The following C12orf54 variants were observed in gnomAD, a reference collection of about 807,000 sequenced individuals.
The protein encoded by C12orf54 is chromosome 12 open reading frame 54, also known as uncharacterized protein C12orf54.
A neutral mutation model predicts 26.4 loss-of-function variants in C12orf54; 24 were observed. The ratio of observed to expected loss-of-function variants is 0.91; its 90% CI spans 0.66 to 1.28. C12orf54 has a LOEUF of 1.28. C12orf54 is among the 50% of genes most tolerant of loss of function. C12orf54 has a pLI of 0.00. For missense variants in C12orf54, 154 were observed against 150.9 expected, an observed-to-expected ratio of 1.02 and a Z score of -0.11; for synonymous variants, 54 against 47.0, an observed-to-expected ratio of 1.15 and a Z score of -0.61.
At chr12:48,477,746 CAATA>C (rs1954158553), upstream of C12orf54, among the ~76,000 whole-genome samples, 1 of 152,046 alleles carries the variant, frequency 6.6e-6, no homozygotes, top group Non-Finnish European at 1.5e-5. Flanking sequence ...GAAATTGAGG[CAATA>C]ATCAATAGCT....
At chr12:48,422,318 G>C in the C12orf54 span, among the ~76,000 whole-genome samples, 8 of 152,194 alleles carry the variant, frequency 5.3e-5, no homozygotes, top group African/African-American at 1.9e-4. Context: ...CTGCTGGATG[G>C]AGATGCCAAA....
the C12orf54 span, among the ~76,000 whole-genome samples, chr12:48,436,097 A>G: frequency 2.1e-3 from 316 of 152,224 alleles, 1 homozygote; most frequent in Non-Finnish European, 3.6e-3. Flanking sequence ...AAAAAAGGCA[A>G]GGGTTGCAAT....
chr12:48,453,881 A>G, the C12orf54 span, among the ~76,000 whole-genome samples: 1 of 151,842 alleles, frequency 6.6e-6, no homozygotes. Context: ...CCTTGAGAAA[A>G]CAAAGAAGGT....
At chr12:48,486,481 G>C in intron 3 of C12orf54, 1 of 635,696 alleles carries the variant, frequency 1.6e-6, no homozygotes. Context: ...TCATGCACCA[G>C]CTAGATCCAG....
the C12orf54 span, among the ~76,000 whole-genome samples, chr12:48,448,556 G>A: frequency 6.6e-6 from 1 of 152,136 alleles, no homozygotes; most frequent in African/African-American, 2.4e-5. Context: ...TGGTTTATCT[G>A]CATATTTTAT....
Position 48,494,992 on chromosome 12 carries a change from A to G in C12orf54, c.*40+13A>G. On this transcript the variant is annotated intron_variant, in intron 8 of 8. Transcript: ENST00000548364. ...CTGCTTCCGCCAGGTGCTTTACCCA[A>G]GCAGCCTTTCCCCTGAGCTCCACCC... 1 of 1,578,710 alleles carries G rather than the reference A, an allele frequency of 6.3e-7. No homozygotes were observed. The highest frequency in any genetic ancestry group is 8.7e-7 in the Non-Finnish European group (1 of 1,152,322).
At chr12:48,468,773 G>A in the C12orf54 span, among the ~76,000 whole-genome samples, 1 of 152,058 alleles carries the variant, frequency 6.6e-6, no homozygotes, top group Non-Finnish European at 1.5e-5. Context: ...TGTCTTATAG[G>A]GGGAACCAGC....
At chr12:48,425,848 T>C in the C12orf54 span, among the ~76,000 whole-genome samples, 2 of 152,226 alleles carry the variant, frequency 1.3e-5, no homozygotes, top group South Asian at 4.1e-4. Flanking sequence ...AGCTTTTTTA[T>C]ATATACTTGC....
the C12orf54 span, among the ~76,000 whole-genome samples, chr12:48,449,799 G>A: frequency 1.3e-5 from 2 of 152,008 alleles, no homozygotes; most frequent in Non-Finnish European, 2.9e-5. Context: ...TGATTTGGCT[G>A]TGTCCCCACC....
At chr12:48,468,461 G>A in the C12orf54 span, among the ~76,000 whole-genome samples, 1 of 152,164 alleles carries the variant, frequency 6.6e-6, no homozygotes, top group African/African-American at 2.4e-5. Context: ...GAGGAAGGCT[G>A]TGATGTGATC....
Position 48,486,261 on chromosome 12 carries a change from G to A in C12orf54, c.96+53G>A, listed in dbSNP as rs571431402. On this transcript the variant is annotated intron_variant, in intron 3 of 8. Coordinates refer to ENST00000548364, the MANE Select transcript of C12orf54 (RefSeq NM_152319.4). ...TCCTCTGGGGCTTCTAATTCCTAGGGAGAGGGGAGGAGAAGAGGTTGTAGA... is the reference window on the plus strand; with the variant it reads ...TCCTCTGGGGCTTCTAATTCCTAGGAAGAGGGGAGGAGAAGAGGTTGTAGA... 16 of 1,544,246 alleles carry A rather than the reference G, an allele frequency of 1.0e-5. No individual in the cohort carries two copies. In the African/African-American group the frequency reaches 1.5e-4, roughly 14 times the overall value.
At chr12:48,414,506 A>T in the C12orf54 span, among the ~76,000 whole-genome samples, 1 of 152,328 alleles carries the variant, frequency 6.6e-6, no homozygotes, top group Admixed American at 6.5e-5. Flanking sequence ...ACCTGCTAAG[A>T]GGCTTGGGCT....
chr12:48,439,481 A>G, the C12orf54 span, among the ~76,000 whole-genome samples: 2 of 152,190 alleles, frequency 1.3e-5, no homozygotes, highest in Non-Finnish European at 2.9e-5. Context: ...CACAATAGCA[A>G]AGACTTGGAA....
the C12orf54 span, among the ~76,000 whole-genome samples, chr12:48,424,710 C>G: frequency 0.014 from 2,183 of 152,130 alleles, 55 homozygotes; most frequent in African/African-American, 0.049. Flanking sequence ...TAGGCATTTA[C>G]CAAGATAGAT....
At chr12:48,480,178 G>A (rs771751623), upstream of C12orf54, among the ~76,000 whole-genome samples, 1 of 152,124 alleles carries the variant, frequency 6.6e-6, no homozygotes, top group Non-Finnish European at 1.5e-5. Flanking sequence ...ATCTTTCAGT[G>A]TTTTGTTTGT....
At chr12:48,424,232 G>T in the C12orf54 span, among the ~76,000 whole-genome samples, 1 of 152,152 alleles carries the variant, frequency 6.6e-6, no homozygotes, top group South Asian at 2.1e-4. Flanking sequence ...TTTAAATATT[G>T]CTGGATTTCA....
the C12orf54 span, among the ~76,000 whole-genome samples, chr12:48,466,076 G>A: frequency 7.2e-5 from 11 of 152,188 alleles, no homozygotes; most frequent in Middle Eastern, 3.4e-3. Flanking sequence ...GAACTTTATC[G>A]AAATTAAAGA....
chr12:48,414,937 A>T, the C12orf54 span, among the ~76,000 whole-genome samples: 1 of 152,212 alleles, frequency 6.6e-6, no homozygotes, highest in Admixed American at 6.5e-5. Context: ...GCAAACAGCT[A>T]AGCCTTCCTT....
the C12orf54 span, among the ~76,000 whole-genome samples, chr12:48,429,835 A>G: frequency 6.6e-6 from 1 of 152,172 alleles, no homozygotes; most frequent in African/African-American, 2.4e-5. Context: ...ATATGGAACC[A>G]CAAAAGAGCC....
Sources: allele counts gnomAD v4.1 joint callset (sites outside exome capture counted in the v4.1 genomes callset), GRCh38; gene constraint gnomAD v4.1.1; transcripts MANE v1.5; gene names NCBI Gene and HGNC (gene_info 2026-07-23, HGNC 2026-07-21).